Variants in CADPS2 observed in about 807,000 individuals in gnomAD.
CADPS2 encodes the protein calcium dependent secretion activator 2, also known as calcium-dependent secretion activator 2.
A neutral mutation model predicts 172.5 loss-of-function variants in CADPS2; 93 were observed. The observed-to-expected ratio is 0.54, with a 90% confidence interval of 0.46 to 0.64. The LOEUF (loss-of-function observed/expected upper bound fraction) is 0.64, where lower values mean the gene tolerates loss of function less well. Among genes scored for constraint, CADPS2 ranks in the 30% least tolerant of loss-of-function variants. The pLI, the probability that CADPS2 is intolerant of heterozygous loss-of-function variation, is 0.00. For missense variants in CADPS2, 1,420 were observed against 1,565.9 expected, an observed-to-expected ratio of 0.91 and a Z score of 1.57; for synonymous variants, 546 against 555.2, an observed-to-expected ratio of 0.98 and a Z score of 0.23.
chr7:122,571,155 GA>G (rs1281581818), intron 7 of CADPS2, among the ~76,000 whole-genome samples: 1 of 151,920 alleles, frequency 6.6e-6, no homozygotes, highest in African/African-American at 2.4e-5. Flanking sequence ...TCAAAAATGA[GA>G]AAACAAGCAA....
chr7:122,397,020 T>C (rs2045234289), intron 20 of CADPS2, among the ~76,000 whole-genome samples: 1 of 152,224 alleles, frequency 6.6e-6, no homozygotes, highest in African/African-American at 2.4e-5. Flanking sequence ...CCTCATACTT[T>C]GTATAAAATA....
At chr7:122,748,035 G>C (rs1433508425) in intron 1 of CADPS2, among the ~76,000 whole-genome samples, 2 of 152,116 alleles carry the variant, frequency 1.3e-5, no homozygotes, top group African/African-American at 4.8e-5. Context: ...CAACGCAGAT[G>C]CCAACCTTCA....
At chr7:122,341,887 C>A (rs1329456410) in intron 28 of CADPS2, among the ~76,000 whole-genome samples, 1 of 152,038 alleles carries the variant, frequency 6.6e-6, no homozygotes, top group Non-Finnish European at 1.5e-5. Context: ...GAAGGATGTA[C>A]CTTAAACAAA....
Position 122,676,726 on chromosome 7 carries a change from C to T in CADPS2, c.454-13157G>A, listed in dbSNP as rs1325631671. ...GGTGCTGTACAGGAAGGACATGGGG[C>T]CAACTCAGAGGCAGATCCAGATTAT... On this transcript the variant is annotated intron_variant, in intron 2 of 29. Transcript: ENST00000449022. 4.6e-6 allele frequency: 7 copies of T among 1,538,032 alleles called. No individual in the cohort carries two copies. In the African/African-American group the frequency reaches 9.6e-5, roughly 21 times the overall value.
intron 1 of CADPS2, among the ~76,000 whole-genome samples, chr7:122,859,966 G>A (rs1230082601): frequency 6.6e-6 from 1 of 152,082 alleles, no homozygotes; most frequent in Non-Finnish European, 1.5e-5. Context: ...CAGTAAAGTT[G>A]AAATGCAGAT....
At chr7:122,470,343 G>A (rs1185172922) in intron 14 of CADPS2, among the ~76,000 whole-genome samples, 1 of 152,058 alleles carries the variant, frequency 6.6e-6, no homozygotes, top group Non-Finnish European at 1.5e-5. Context: ...TTGGGGATAG[G>A]AGGGAAAAGA....
At chr7:122,832,458 C>T (rs1806859369) in intron 1 of CADPS2, among the ~76,000 whole-genome samples, 1 of 152,200 alleles carries the variant, frequency 6.6e-6, no homozygotes, top group Non-Finnish European at 1.5e-5. Context: ...CTAAGTTAAT[C>T]TTACGCAGCC....
chr7:122,486,831 A>G (rs914207863), intron 11 of CADPS2, among the ~76,000 whole-genome samples: 1 of 152,074 alleles, frequency 6.6e-6, no homozygotes, highest in Non-Finnish European at 1.5e-5. Flanking sequence ...ACCAACCTTC[A>G]ACAACCAGCA....
chr7:122,559,832 G>C (rs1245132306), intron 7 of CADPS2, among the ~76,000 whole-genome samples: 1 of 151,490 alleles, frequency 6.6e-6, no homozygotes, highest in Non-Finnish European at 1.5e-5. Context: ...GAACCCTCTG[G>C]GCACCACCTT....
intron 8 of CADPS2, among the ~76,000 whole-genome samples, chr7:122,543,226 A>G (rs908490608): frequency 6.6e-6 from 1 of 152,092 alleles, no homozygotes; most frequent in Non-Finnish European, 1.5e-5. Flanking sequence ...AGTACACTAC[A>G]CTTTTTACAT....
intron 27 of CADPS2, among the ~76,000 whole-genome samples, chr7:122,353,306 G>A (rs2038935860): frequency 1.3e-5 from 2 of 152,140 alleles, no homozygotes; most frequent in South Asian, 4.1e-4. Context: ...ATTTTGAAAT[G>A]AGAAATCTTT....
At chr7:122,480,660 T>C (rs2057180352) in intron 12 of CADPS2, among the ~76,000 whole-genome samples, 192 bp downstream of exon 12, 1 of 152,180 alleles carries the variant, frequency 6.6e-6, no homozygotes, top group Non-Finnish European at 1.5e-5. Context: ...ATGGTAGATA[T>C]TAGGTTGTTT....
At chr7:122,774,267 TATACACACAC>T (rs1357651134) in intron 1 of CADPS2, among the ~76,000 whole-genome samples, 12 of 119,498 alleles carry the variant, frequency 1.0e-4, no homozygotes, top group East Asian at 4.6e-4. Context: ...CATAGATAGA[TATACACACAC>T]ACACACACAC....
At chr7:122,585,509 T>C (rs1490440928) in intron 6 of CADPS2, 1 of 149,514 alleles carries the variant, frequency 6.7e-6, no homozygotes, top group African/African-American at 2.5e-5. Context: ...ACAATAGGCC[T>C]ACCTTCAATA....
Position 122,838,944 on chromosome 7 carries a change from G to GA in CADPS2, c.339+47054dup, listed in dbSNP as rs1584812455. 2.6e-5 allele frequency among the ~76,000 whole-genome samples: 4 copies of GA among 152,126 alleles called. No individual in the cohort carries two copies. The East Asian group carries it at 7.7e-4, about 29-fold the overall frequency. On this transcript the variant is annotated intron_variant, in intron 1 of 29. Transcript: ENST00000449022. ...AAAAAACTACTTTAAAGTTCATATG[G>GA]AACCAAAAAAGAGCCTGTATTGCCA...
chr7:122,789,677 CA>C (rs1794842904), intron 1 of CADPS2, among the ~76,000 whole-genome samples: 1 of 152,148 alleles, frequency 6.6e-6, no homozygotes, highest in African/African-American at 2.4e-5. Context: ...CAAATGCTTT[CA>C]AAAGTTATTT....
At chr7:122,789,070 G>A (rs1794698183) in intron 1 of CADPS2, among the ~76,000 whole-genome samples, 1 of 152,136 alleles carries the variant, frequency 6.6e-6, no homozygotes, top group South Asian at 2.1e-4. Context: ...CCTCAGTGAT[G>A]GGTGGCAGAG....
At chr7:122,322,197 G>T (rs1363341051) in intron 29 of CADPS2, among the ~76,000 whole-genome samples, 1 of 152,116 alleles carries the variant, frequency 6.6e-6, no homozygotes, top group African/African-American at 2.4e-5. Context: ...AAGTATTATT[G>T]TTCCACTAAC....
chr7:122,697,936 G>A, intron 2 of CADPS2: 1 of 1,613,856 alleles, frequency 6.2e-7, no homozygotes, highest in South Asian at 1.1e-5. Context: ...AGGTGATAAG[G>A]TTTCAGGCAG....
Sources: allele counts gnomAD v4.1 joint callset (sites outside exome capture counted in the v4.1 genomes callset), GRCh38; gene constraint gnomAD v4.1.1; transcripts MANE v1.5; gene names NCBI Gene and HGNC (gene_info 2026-07-23, HGNC 2026-07-21).